The following DOK6 variants were observed in gnomAD, a reference collection of about 807,000 sequenced individuals.
The protein encoded by DOK6 is docking protein 6, also known as downstream of tyrosine kinase 6.
A neutral mutation model predicts 44.0 loss-of-function variants in DOK6; 22 were observed. The ratio of observed to expected loss-of-function variants is 0.50; its 90% CI spans 0.36 to 0.71. The LOEUF is 0.71. DOK6 is among the 30% of genes least tolerant of loss of function. The probability of loss-of-function intolerance (pLI) is 0.00; values close to 1 mark genes in which losing one functional copy is unlikely to be tolerated. For missense variants in DOK6, 340 were observed against 416.4 expected, an observed-to-expected ratio of 0.82 and a Z score of 1.60; for synonymous variants, 166 against 145.5, an observed-to-expected ratio of 1.14 and a Z score of -1.01.
At chr18:69,612,020 A>G (rs1984153561) in intron 3 of DOK6, among the ~76,000 whole-genome samples, 1 of 152,140 alleles carries the variant, frequency 6.6e-6, no homozygotes, top group African/African-American at 2.4e-5. Context: ...ATCAATGTCA[A>G]CACCCTAGTT....
chr18:69,590,705 A>T (rs1223130829), intron 2 of DOK6, among the ~76,000 whole-genome samples: 4 of 152,160 alleles, frequency 2.6e-5, no homozygotes, highest in Non-Finnish European at 5.9e-5. Flanking sequence ...ATTAGTCTGA[A>T]AACAGTGTGA....
At chr18:69,499,631 AT>A (rs1358421705) in intron 1 of DOK6, among the ~76,000 whole-genome samples, 4 of 152,112 alleles carry the variant, frequency 2.6e-5, no homozygotes, top group Non-Finnish European at 5.9e-5. Context: ...ATGGCTGACA[AT>A]TCTGACGTTT....
chr18:69,416,973 A>G (rs929955234), intron 1 of DOK6, among the ~76,000 whole-genome samples: 1 of 152,270 alleles, frequency 6.6e-6, no homozygotes, highest in East Asian at 1.9e-4. Flanking sequence ...GTCCATATTT[A>G]TGGAATACAT....
chr18:69,807,838 A>G (rs1981099071), intron 7 of DOK6, among the ~76,000 whole-genome samples: 1 of 151,862 alleles, frequency 6.6e-6, no homozygotes, highest in African/African-American at 2.4e-5. Flanking sequence ...CTCTAAAACA[A>G]TAATAATAAG....
chr18:69,618,436 C>G (rs750774193), intron 3 of DOK6: 2 of 153,874 alleles, frequency 1.3e-5, no homozygotes, highest in African/African-American at 2.4e-5. Flanking sequence ...AGAGTGGAAA[C>G]AGCTAAGAAG....
chr18:69,740,967 G>C (rs1978780404), intron 6 of DOK6, among the ~76,000 whole-genome samples: 1 of 152,198 alleles, frequency 6.6e-6, no homozygotes, highest in Non-Finnish European at 1.5e-5. Context: ...GTTGTTGTAT[G>C]TTTCTCGTGT....
chr18:69,421,502 G>A (rs974657148), intron 1 of DOK6, among the ~76,000 whole-genome samples: 9 of 152,128 alleles, frequency 5.9e-5, no homozygotes, highest in East Asian at 1.9e-4. Context: ...ATTGCAAGAC[G>A]TAAATAAGAT....
chr18:69,564,445 AT>A, intron 1 of DOK6, 41 bp from the exon 2 acceptor site: 1 of 1,569,658 alleles, frequency 6.4e-7, no homozygotes, highest in East Asian at 2.3e-5. Flanking sequence ...TCGTAAACTC[AT>A]GTAAAAATAT....
intron 7 of DOK6, among the ~76,000 whole-genome samples, chr18:69,786,426 T>A (rs1247597650): frequency 2.0e-5 from 3 of 152,194 alleles, no homozygotes; most frequent in African/African-American, 7.2e-5. Flanking sequence ...CTGAACATAA[T>A]CTTTAATATA....
intron 7 of DOK6, among the ~76,000 whole-genome samples, chr18:69,809,612 A>C (rs998012073): frequency 6.7e-6 from 1 of 150,330 alleles, no homozygotes; most frequent in Non-Finnish European, 1.5e-5. Flanking sequence ...AAGAAAAAAA[A>C]CAGACAAAAC....
In DOK6 at chr18:69,561,783, T is replaced by C. The variant is rs114329367; in HGVS notation, c.67-2704T>C. Reference sequence around the variant, plus strand: ...AGTAAAATCAACTTACGGATATGCTTGGTTGTTCTACTTTTATAATGAGAG... The same window carrying C: ...AGTAAAATCAACTTACGGATATGCTCGGTTGTTCTACTTTTATAATGAGAG... On this transcript the variant is annotated intron_variant, in intron 1 of 7. Transcript: ENST00000382713. 6.2e-3 allele frequency among the ~76,000 whole-genome samples: 943 copies of C among 152,280 alleles called. 9 individuals carry two copies. The highest frequency in any genetic ancestry group is 0.021 in the African/African-American group (878 of 41,574).
intron 6 of DOK6, among the ~76,000 whole-genome samples, chr18:69,756,965 T>C (rs572610824): frequency 1.3e-5 from 2 of 152,356 alleles, no homozygotes; most frequent in East Asian, 3.9e-4. Flanking sequence ...AATAAAACCA[T>C]TTCTGCATGC....
At chr18:69,407,212 A>T (rs550374572) in intron 1 of DOK6, among the ~76,000 whole-genome samples, 8 of 152,340 alleles carry the variant, frequency 5.3e-5, no homozygotes, top group Non-Finnish European at 1.2e-4. Context: ...ACAATTAAGT[A>T]TTTGTATCTT....
chr18:69,505,605 C>G (rs1202841113), intron 1 of DOK6, among the ~76,000 whole-genome samples: 1 of 144,760 alleles, frequency 6.9e-6, no homozygotes, highest in Non-Finnish European at 1.5e-5. Context: ...TCAAGCGATT[C>G]TCCTGCCTCA....
intron 1 of DOK6, among the ~76,000 whole-genome samples, chr18:69,549,863 G>A (rs1428766947): frequency 8.3e-6 from 1 of 121,134 alleles, no homozygotes; most frequent in African/African-American, 3.1e-5. Context: ...GTGGGGAAGA[G>A]TTTTTAATTT....
chr18:69,680,958 A>G (rs1986030457), intron 4 of DOK6, among the ~76,000 whole-genome samples: 1 of 152,214 alleles, frequency 6.6e-6, no homozygotes, highest in Non-Finnish European at 1.5e-5. Context: ...CAGACTCTTC[A>G]AGCATAACAC....
chr18:69,782,302 C>T (rs1980297386), intron 7 of DOK6, among the ~76,000 whole-genome samples: 1 of 151,376 alleles, frequency 6.6e-6, no homozygotes, highest in Non-Finnish European at 1.5e-5. Flanking sequence ...AGCTCCACCT[C>T]CCAGGTTCAC....
At chr18:69,540,023 G>A (rs1451152144) in intron 1 of DOK6, among the ~76,000 whole-genome samples, 1 of 116,346 alleles carries the variant, frequency 8.6e-6, no homozygotes. Context: ...AAGAATGCAT[G>A]TGTTGGAGGA....
rs1272442038 is a variant in DOK6 at position 69,632,376 on chromosome 18, G to C, written c.289+32878G>C. 1.5e-4 allele frequency among the ~76,000 whole-genome samples: 23 copies of C among 152,002 alleles called. 1 individual carries two copies. Among genetic ancestry groups the C allele is most frequent in the Admixed American group, 1.5e-3 (23 of 15,248 alleles). On this transcript the variant is annotated intron_variant, in intron 3 of 7. Coordinates refer to ENST00000382713, the MANE Select transcript of DOK6 (RefSeq NM_152721.6). ...CCATTTTGTTCTGAGTTTTCCATTT[G>C]AAACTTATTATTTACAATTTTCCAA...
Sources: gnomAD v4.1 joint callset for allele counts (sites outside exome capture counted in the v4.1 genomes callset) on GRCh38, gnomAD v4.1.1 for gene constraint, MANE v1.5 for transcripts, NCBI Gene and HGNC (gene_info 2026-07-23, HGNC 2026-07-21) for gene names.